STAT5B: variants seen among roughly 807,000 people sequenced by gnomAD.
The protein encoded by STAT5B is transcription factor STAT5B.
STAT5B carries 21 observed loss-of-function variants against 107.8 expected under a neutral mutation model. The observed-to-expected ratio is 0.19, with a 90% CI of 0.14 to 0.28. The LOEUF is 0.28. Among genes scored for constraint, STAT5B ranks in the 10% least tolerant of loss-of-function variants. The pLI is 1.00. For missense variants in STAT5B, 565 were observed against 1,008.2 expected (o/e 0.56, Z 5.95); for synonymous variants, 325 against 401.7 (o/e 0.81, Z 2.28).
intron 18 of STAT5B, 76 bp from the exon 19 acceptor site, chr17:42,201,940 G>C (rs960264345): frequency 1.4e-6 from 2 of 1,465,122 alleles, no homozygotes; most frequent in African/African-American, 2.8e-5. Context: ...CAGGCCACCA[G>C]GGGAGCAGTC....
chr17:42,226,641 C>T (rs908348512), intron 3 of STAT5B, among the ~76,000 whole-genome samples: 10 of 151,494 alleles, frequency 6.6e-5, no homozygotes, highest in Admixed American at 6.6e-4. Flanking sequence ...AACCCCATCT[C>T]TACTAAAAAT....
At chr17:42,232,708 T>C (rs2080326967) in intron 1 of STAT5B, among the ~76,000 whole-genome samples, 1 of 152,168 alleles carries the variant, frequency 6.6e-6, no homozygotes, top group Non-Finnish European at 1.5e-5. Context: ...TAAGGTCTTA[T>C]AAGCAAAAGT....
chr17:42,237,770 C>T (rs2080368214), intron 1 of STAT5B, among the ~76,000 whole-genome samples: 3 of 152,154 alleles, frequency 2.0e-5, no homozygotes, highest in South Asian at 4.1e-4. Context: ...CACCTAAATA[C>T]GGTTCTGCCA....
intron 3 of STAT5B, among the ~76,000 whole-genome samples, chr17:42,226,542 T>C (rs967118208): frequency 2.6e-5 from 4 of 151,940 alleles, no homozygotes; most frequent in Admixed American, 6.6e-5. Flanking sequence ...GTGCGGTGGC[T>C]CATGCCTGTA....
chr17:42,222,255 C>A (rs189142935), intron 5 of STAT5B, among the ~76,000 whole-genome samples: 53 of 151,892 alleles, frequency 3.5e-4, no homozygotes, highest in Admixed American at 2.5e-3. Flanking sequence ...TTCTCTGAGA[C>A]TGAGCTGGGC....
intron 1 of STAT5B, among the ~76,000 whole-genome samples, chr17:42,247,075 C>T (rs1265098177): frequency 6.6e-6 from 1 of 152,170 alleles, no homozygotes; most frequent in African/African-American, 2.4e-5. Context: ...TTCTTCATTA[C>T]CCCAGGAAAG....
intron 16 of STAT5B, among the ~76,000 whole-genome samples, chr17:42,203,230 C>T (rs1333938031): frequency 2.0e-5 from 3 of 152,098 alleles, no homozygotes; most frequent in African/African-American, 4.8e-5. Context: ...CATAAGCCAC[C>T]GCACTTGGCC....
rs538640553 is a variant in STAT5B at position 42,219,170 on chromosome 17, T to C, written c.833+142A>G. The C allele has an allele frequency of 2.0e-5, 28 of 1,414,902 alleles. No individual in the cohort carries two copies. The African/African-American group carries it at 2.6e-4, about 13-fold the overall frequency. 87.6% of individuals were successfully genotyped at this position (1,414,902 alleles called of 1,614,324 possible). A position where few individuals can be genotyped will look rare whatever the true frequency, so the allele number is the denominator to read the frequency against. On this transcript the variant is annotated intron_variant, in intron 7 of 18. Coordinates refer to ENST00000293328, the MANE Select transcript of STAT5B (RefSeq NM_012448.4). Reference sequence around the variant, plus strand: ...GCACAGGATGGGGGCCAAAGTCTGATTGAGGAACCAGGCTCCCTGGAGAAA... The same window carrying C: ...GCACAGGATGGGGGCCAAAGTCTGACTGAGGAACCAGGCTCCCTGGAGAAA...
At chr17:42,267,953 C>T (rs906597082) in intron 1 of STAT5B, among the ~76,000 whole-genome samples, 15 of 125,834 alleles carry the variant, frequency 1.2e-4, no homozygotes, top group Admixed American at 1.7e-4. Flanking sequence ...AGCAAGACTC[C>T]ATCTCAAAAA....
chr17:42,214,211 A>G (rs1373592391), intron 12 of STAT5B: 3 of 985,136 alleles, frequency 3.0e-6, no homozygotes, highest in Non-Finnish European at 3.6e-6. Context: ...AATGTTAAAA[A>G]TGCTTATTTA....
upstream of STAT5B, among the ~76,000 whole-genome samples, chr17:42,281,141 A>G (rs529960742): frequency 3.3e-5 from 5 of 151,344 alleles, no homozygotes; most frequent in Non-Finnish European, 5.9e-5. Flanking sequence ...CTCAAAAAAA[A>G]AAAACAAAAA....
intron 1 of STAT5B, among the ~76,000 whole-genome samples, chr17:42,273,464 A>G (rs947400636): frequency 1.3e-5 from 2 of 152,238 alleles, no homozygotes; most frequent in Admixed American, 6.5e-5. Context: ...TTTTAAACGA[A>G]TAAGTTTCAA....
intron 12 of STAT5B, among the ~76,000 whole-genome samples, chr17:42,214,780 C>T (rs189654417): frequency 6.6e-6 from 1 of 152,172 alleles, no homozygotes; most frequent in East Asian, 1.9e-4. Context: ...GACAGGGTGT[C>T]GCTTTGTCAC....
chr17:42,263,458 C>T (rs2080635979), intron 1 of STAT5B, among the ~76,000 whole-genome samples: 1 of 152,050 alleles, frequency 6.6e-6, no homozygotes, highest in South Asian at 2.1e-4. Context: ...TACACACAGC[C>T]ATTTTAAAGA....
intron 1 of STAT5B, among the ~76,000 whole-genome samples, chr17:42,254,601 G>A (rs2080526311): frequency 6.6e-6 from 1 of 151,760 alleles, no homozygotes; most frequent in Non-Finnish European, 1.5e-5. Flanking sequence ...CAGGTGAACT[G>A]CTAGAGAGCT....
the STAT5B span, among the ~76,000 whole-genome samples, chr17:42,285,100 T>G: frequency 1.3e-5 from 2 of 151,866 alleles, no homozygotes; most frequent in African/African-American, 4.8e-5. Context: ...TTTCTTTTCT[T>G]TTTTTTTGAG....
intron 1 of STAT5B, among the ~76,000 whole-genome samples, chr17:42,265,663 C>T (rs1429259404): frequency 6.6e-6 from 1 of 152,078 alleles, no homozygotes; most frequent in East Asian, 1.9e-4. Flanking sequence ...AGTATGCACT[C>T]TTTTAAGCTC....
chr17:42,232,845 T>G (rs2080328125), intron 1 of STAT5B, among the ~76,000 whole-genome samples: 1 of 151,026 alleles, frequency 6.6e-6, no homozygotes, highest in Admixed American at 6.6e-5. Context: ...AGAGAGTTTT[T>G]TTTTTTTTTT....
At chr17:42,249,460 T>C (rs2080479854) in intron 1 of STAT5B, among the ~76,000 whole-genome samples, 1 of 152,106 alleles carries the variant, frequency 6.6e-6, no homozygotes, top group Non-Finnish European at 1.5e-5. Context: ...ATAAGGTCCC[T>C]AGTCAACTGA....
Sources: gnomAD v4.1 joint callset for allele counts (sites outside exome capture counted in the v4.1 genomes callset) on GRCh38, gnomAD v4.1.1 for gene constraint, MANE v1.5 for transcripts, NCBI Gene and HGNC (gene_info 2026-07-23, HGNC 2026-07-21) for gene names.